GRM8: variants seen among roughly 807,000 people sequenced by gnomAD.
GRM8 encodes metabotropic glutamate receptor 8.
A neutral mutation model predicts 87.2 loss-of-function variants in GRM8; 47 were observed. The observed-to-expected ratio is 0.54, with a 90% CI of 0.43 to 0.69. The LOEUF is 0.69. Ranked by LOEUF, GRM8 falls within the 30% of genes least tolerant of loss-of-function variation. The pLI is 0.00. For missense variants in GRM8, 1,019 were observed against 1,139.2 expected (o/e 0.89, Z 1.52); for synonymous variants, 396 against 404.5 (o/e 0.98, Z 0.25).
intron 3 of GRM8, among the ~76,000 whole-genome samples, chr7:127,074,067 C>T (rs1822008526): frequency 6.6e-6 from 1 of 152,126 alleles, no homozygotes; most frequent in African/African-American, 2.4e-5. Flanking sequence ...ATGTGTTTTG[C>T]TTAATAAGAC....
chr7:126,562,018 T>C (rs1585059125), intron 8 of GRM8, among the ~76,000 whole-genome samples: 1 of 152,158 alleles, frequency 6.6e-6, no homozygotes, highest in Non-Finnish European at 1.5e-5. Flanking sequence ...AATGTGAATA[T>C]AGGGCATTTT....
chr7:126,707,043 C>T (rs1384196467), intron 7 of GRM8, among the ~76,000 whole-genome samples: 1 of 152,072 alleles, frequency 6.6e-6, no homozygotes, highest in Non-Finnish European at 1.5e-5. Context: ...GCAGCTCATG[C>T]CTGTAATCCT....
intron 3 of GRM8, among the ~76,000 whole-genome samples, chr7:126,924,709 G>T (rs896653837): frequency 6.6e-6 from 1 of 151,888 alleles, no homozygotes; most frequent in Non-Finnish European, 1.5e-5. Context: ...TAAGAATCAG[G>T]TTCTTATCTG....
chr7:127,105,591 A>G lies in GRM8; in HGVS notation c.727+905T>C, dbSNP rs559518079. Among the ~76,000 whole-genome samples, 236 of 152,328 alleles carry G rather than the reference A, an allele frequency of 1.5e-3. 7 individuals carry two copies. In the South Asian group the frequency reaches 0.046, roughly 30 times the overall value. On this transcript the variant is annotated intron_variant, in intron 3 of 10. Coordinates refer to ENST00000339582, the MANE Select transcript of GRM8 (RefSeq NM_000845.3). ...TGAGTCGAGGCCTCTAAGAAAAACA[A>G]TAAATTTATCAACATAATGTCTTCC...
At chr7:126,582,756 C>T (rs1011864977) in intron 8 of GRM8, among the ~76,000 whole-genome samples, 33 of 152,024 alleles carry the variant, frequency 2.2e-4, no homozygotes, top group African/African-American at 7.7e-4. Flanking sequence ...ATCTAGTTGG[C>T]CTGTGTTGCA....
At chr7:127,241,354 T>C (rs1798283231) in intron 2 of GRM8, among the ~76,000 whole-genome samples, 1 of 152,226 alleles carries the variant, frequency 6.6e-6, no homozygotes, top group Admixed American at 6.5e-5. Context: ...TGTTCACATT[T>C]GTCACAATAC....
chr7:126,873,831 C>A (rs1186933411), intron 6 of GRM8, among the ~76,000 whole-genome samples: 2 of 152,008 alleles, frequency 1.3e-5, no homozygotes, highest in East Asian at 3.9e-4. Context: ...TAATTGGCCT[C>A]ACCTATCCCG....
At chr7:126,887,297 T>A (rs970036920) in intron 6 of GRM8, among the ~76,000 whole-genome samples, 5 of 152,136 alleles carry the variant, frequency 3.3e-5, no homozygotes, top group African/African-American at 1.2e-4. Flanking sequence ...TCGAGGTGTC[T>A]TTGTAGTGAA....
chr7:127,008,486 A>G (rs1814543822), intron 3 of GRM8, among the ~76,000 whole-genome samples: 1 of 152,100 alleles, frequency 6.6e-6, no homozygotes, highest in Non-Finnish European at 1.5e-5. Context: ...TGGGCACTAA[A>G]TTGTTTGCAA....
At chr7:126,587,687 G>T (rs866637634) in intron 8 of GRM8, among the ~76,000 whole-genome samples, 3 of 139,320 alleles carry the variant, frequency 2.2e-5, no homozygotes, top group African/African-American at 7.9e-5. Flanking sequence ...TGGGATGGGC[G>T]GGGGGAGGGA....
chr7:126,461,077 A>G (rs1803845650), intron 9 of GRM8, among the ~76,000 whole-genome samples: 1 of 151,332 alleles, frequency 6.6e-6, no homozygotes, highest in South Asian at 2.1e-4. Context: ...CAGATGACCT[A>G]TTTTGCCCCC....
intron 3 of GRM8, among the ~76,000 whole-genome samples, chr7:127,075,369 A>G (rs1478564778): frequency 6.6e-6 from 1 of 152,256 alleles, no homozygotes; most frequent in African/African-American, 2.4e-5. Flanking sequence ...AAATTTGGCT[A>G]TATTCATAGT....
chr7:126,827,211 T>C (rs1586098138), intron 6 of GRM8, among the ~76,000 whole-genome samples: 1 of 152,306 alleles, frequency 6.6e-6, no homozygotes, highest in South Asian at 2.1e-4. Flanking sequence ...TCTTTTTTGG[T>C]TCCATATGAA....
intron 3 of GRM8, among the ~76,000 whole-genome samples, chr7:126,932,155 G>T (rs1237963394): frequency 6.6e-6 from 1 of 152,120 alleles, no homozygotes; most frequent in African/African-American, 2.4e-5. Flanking sequence ...ACTGTTTTAT[G>T]TTGGTTGGTA....
intron 3 of GRM8, among the ~76,000 whole-genome samples, chr7:126,945,189 G>A (rs770023653): frequency 7.2e-5 from 11 of 151,936 alleles, no homozygotes; most frequent in Middle Eastern, 3.4e-3. Flanking sequence ...ATTCACAATC[G>A]CAAAAAAATA....
At chr7:126,516,604 T>C (rs987557409) in intron 9 of GRM8, among the ~76,000 whole-genome samples, 10 of 152,090 alleles carry the variant, frequency 6.6e-5, no homozygotes, top group African/African-American at 2.4e-4. Context: ...ATGCTTCCAG[T>C]AGGATAGCAG....
At chr7:127,110,783 C>T (rs1826275205) in intron 2 of GRM8, among the ~76,000 whole-genome samples, 1 of 152,182 alleles carries the variant, frequency 6.6e-6, no homozygotes, top group African/African-American at 2.4e-5. Flanking sequence ...CTCTCTCACT[C>T]TCCGTTCCTT....
intron 3 of GRM8, among the ~76,000 whole-genome samples, chr7:126,956,077 C>G (rs1350735770): frequency 6.6e-6 from 1 of 151,974 alleles, no homozygotes; most frequent in African/African-American, 2.4e-5. Flanking sequence ...AGAGAGGGAC[C>G]AATTTTGGTA....
At chr7:126,725,660 T>C (rs927893959) in intron 7 of GRM8, among the ~76,000 whole-genome samples, 4 of 152,164 alleles carry the variant, frequency 2.6e-5, no homozygotes, top group Non-Finnish European at 5.9e-5. Flanking sequence ...TAAATAAATA[T>C]CTGGGACTGG....
Sources: allele counts gnomAD v4.1 joint callset (sites outside exome capture counted in the v4.1 genomes callset), GRCh38; gene constraint gnomAD v4.1.1; transcripts MANE v1.5; gene names NCBI Gene and HGNC (gene_info 2026-07-23, HGNC 2026-07-21).